GNL3L: variants seen among roughly 807,000 people sequenced by gnomAD.
GNL3L encodes guanine nucleotide-binding protein-like 3-like protein.
A neutral mutation model predicts 42.9 loss-of-function variants in GNL3L; 4 were observed. That is an observed-to-expected ratio of 0.09 (90% CI 0.05 to 0.21). The LOEUF (loss-of-function observed/expected upper bound fraction) is 0.21. Among genes scored for constraint, GNL3L ranks in the 10% least tolerant of loss-of-function variants. GNL3L has a pLI of 1.00. For missense variants in GNL3L, 412 were observed against 481.7 expected (o/e 0.86, Z 1.36); for synonymous variants, 159 against 176.3 (o/e 0.90, Z 0.78).
At chrX:54,586,660 C>G (rs1401458555) in intron 16 of GNL3L, among the ~76,000 whole-genome samples, 1 of 112,514 alleles carries the variant, frequency 8.9e-6, no homozygotes, top group East Asian at 2.8e-4. Flanking sequence ...GGCCACAGTG[C>G]AGCTGCTGCT....
At chrX:54,593,431 T>G (rs762520096) in intron 16 of GNL3L, among the ~76,000 whole-genome samples, 1 of 111,774 alleles carries the variant, frequency 8.9e-6, no homozygotes. Context: ...CAGTGGTCAC[T>G]AATGATCCTT....
At chrX:54,610,929 C>T (rs1276341183) in intron 16 of GNL3L, among the ~76,000 whole-genome samples, 1 of 110,956 alleles carries the variant, frequency 9.0e-6, no homozygotes, top group Non-Finnish European at 1.9e-5. Context: ...ATTGGTACCA[C>T]TTCTTTGAAT....
chrX:54,573,139 G>A (rs202116219), intron 16 of GNL3L, among the ~76,000 whole-genome samples: 8,381 of 108,831 alleles, frequency 0.077, 441 homozygotes, highest in East Asian at 0.42. Context: ...CTTCCCAGAC[G>A]GGGTGGCGGC....
intron 16 of GNL3L, among the ~76,000 whole-genome samples, chrX:54,616,426 T>C (rs1190446955): frequency 8.9e-6 from 1 of 112,438 alleles, no homozygotes; most frequent in Non-Finnish European, 1.9e-5. Context: ...TTTCCATTTC[T>C]TGTAATTGGA....
intron 16 of GNL3L, among the ~76,000 whole-genome samples, chrX:54,620,490 G>C (rs1356592643): frequency 8.9e-6 from 1 of 111,856 alleles, no homozygotes; most frequent in East Asian, 2.8e-4. Context: ...TGGCCAAATA[G>C]TACTCCGTTG....
intron 2 of GNL3L, among the ~76,000 whole-genome samples, chrX:54,534,048 AT>A (rs113926683): frequency 1.1e-5 from 1 of 94,812 alleles, no homozygotes; most frequent in Non-Finnish European, 2.0e-5. Flanking sequence ...TGCCCCACTA[AT>A]TTTTTTTTTC....
chrX:54,577,249 C>A (rs1471102144), intron 16 of GNL3L, among the ~76,000 whole-genome samples: 1 of 112,225 alleles, frequency 8.9e-6, no homozygotes, highest in Non-Finnish European at 1.9e-5. Flanking sequence ...CCATTTAAGA[C>A]TGAATCATAC....
At chrX:54,645,717 A>T in the GNL3L span, among the ~76,000 whole-genome samples, 1 of 112,090 alleles carries the variant, frequency 8.9e-6, no homozygotes, top group South Asian at 3.7e-4. Context: ...AGGACTGAAG[A>T]TGTGCCTATA....
At chrX:54,573,005 G>A (rs1435536986) in intron 16 of GNL3L, among the ~76,000 whole-genome samples, 2 of 107,828 alleles carry the variant, frequency 1.9e-5, no homozygotes, top group African/African-American at 3.4e-5. Context: ...GGGAAGAGGC[G>A]CTCCTCACTT....
At chrX:54,642,836 A>G in the GNL3L span, among the ~76,000 whole-genome samples, 2 of 112,029 alleles carry the variant, frequency 1.8e-5, no homozygotes, top group Non-Finnish European at 3.8e-5. Flanking sequence ...AGAAATGAGA[A>G]CAGAAGCCTT....
chrX:54,538,148 AC>A lies in GNL3L; in HGVS notation c.20-890del, dbSNP rs1220764219. ...AGAAGTTGCAGTGAGCCCAGATCAC[AC>A]CACTGCACTCCATCCTGGGCAATAG... On this transcript the variant is annotated intron_variant, in intron 2 of 15. Transcript: ENST00000360845. Among the ~76,000 whole-genome samples, 4 of 110,750 alleles carry A rather than the reference AC, an allele frequency of 3.6e-5. 1 individual carries two copies. Among genetic ancestry groups the A allele is most frequent in the African/African-American group, 1.3e-4 (4 of 30,429 alleles).
chrX:54,638,235 C>T, the GNL3L span, among the ~76,000 whole-genome samples: 1 of 111,288 alleles, frequency 9.0e-6, no homozygotes, highest in African/African-American at 3.3e-5. Flanking sequence ...CAAACATTTA[C>T]TGACAAGATC....
downstream of GNL3L, among the ~76,000 whole-genome samples, chrX:54,626,346 A>G (rs761561145): frequency 5.4e-5 from 6 of 111,772 alleles, no homozygotes; most frequent in South Asian, 3.7e-4. Flanking sequence ...CCATGTTGCC[A>G]CTAATGACAG....
chrX:54,543,986 G>A (rs1924698494), intron 7 of GNL3L: 2 of 320,076 alleles, frequency 6.2e-6, no homozygotes, highest in Non-Finnish European at 1.1e-5. Flanking sequence ...CAGATAGCTA[G>A]TTTGTCCATT....
the GNL3L span, among the ~76,000 whole-genome samples, chrX:54,630,708 T>TCCTTCCTTCCTTCCTTCCTTTC: frequency 1.2e-4 from 7 of 58,643 alleles, no homozygotes; most frequent in African/African-American, 1.9e-4. Flanking sequence ...CTTTCTTTCT[T>TCCTTCCTTCCTTCCTTCCTTTC]TTTCTTTCTT....
At chrX:54,557,277 T>G (rs998322287) in intron 14 of GNL3L, among the ~76,000 whole-genome samples, 2 of 110,138 alleles carry the variant, frequency 1.8e-5, no homozygotes, top group Non-Finnish European at 3.8e-5. Flanking sequence ...AAAAAATTTT[T>G]TTTTAAGACA....
rs767754728 is a variant in GNL3L, at chrX:54,566,185, C to T, written c.*5583C>T. 6.3e-5 allele frequency among the ~76,000 whole-genome samples: 7 copies of T among 111,399 alleles called. No homozygotes were observed. The highest frequency in any genetic ancestry group is 4.6e-3 in the Middle Eastern group (1 of 218). On this transcript the variant is annotated 3_prime_UTR_variant, in exon 16 of 16. Coordinates refer to ENST00000360845, the MANE Select transcript of GNL3L (RefSeq NM_001184819.2). Reference sequence around the variant, plus strand: ...TCATTATGGGAAAGCTTTATTGACACATTTGTTTTTATTTTTAAAAATTAT... The same window carrying T: ...TCATTATGGGAAAGCTTTATTGACATATTTGTTTTTATTTTTAAAAATTAT...
the GNL3L span, among the ~76,000 whole-genome samples, chrX:54,640,379 A>C: frequency 1.8e-5 from 2 of 112,258 alleles, no homozygotes; most frequent in African/African-American, 6.5e-5. Context: ...GCAGAGCTTG[A>C]GGCCATGCAG....
intron 4 of GNL3L, 124 bp downstream of exon 4, chrX:54,540,366 G>A (rs1052786424): frequency 2.0e-6 from 1 of 490,191 alleles, no homozygotes; most frequent in African/African-American, 2.4e-5. Flanking sequence ...TGGAAGCCGG[G>A]AGAGAGGGAG....
Sources: allele counts gnomAD v4.1 joint callset (sites outside exome capture counted in the v4.1 genomes callset), GRCh38; gene constraint gnomAD v4.1.1; transcripts MANE v1.5; gene names NCBI Gene and HGNC (gene_info 2026-07-23, HGNC 2026-07-21).